NEDD4: variants seen among roughly 807,000 people sequenced by gnomAD.
NEDD4 encodes the protein E3 ubiquitin-protein ligase NEDD4.
In NEDD4, 99 loss-of-function variants were observed where a neutral mutation model predicts 144.9. That is an observed-to-expected ratio of 0.68 (90% CI 0.58 to 0.81). The LOEUF is 0.81. Ranked by LOEUF, NEDD4 falls within the 30% of genes least tolerant of loss-of-function variation. The pLI is 0.00. For synonymous variants in NEDD4, 318 were observed against 350.6 expected (o/e 0.91, Z 1.04); for missense variants, 985 against 1,065.9 (o/e 0.92, Z 1.06).
intron 1 of NEDD4, among the ~76,000 whole-genome samples, chr15:55,985,752 A>G (rs1012383217): frequency 2.4e-5 from 3 of 124,326 alleles, no homozygotes; most frequent in Non-Finnish European, 4.9e-5. Flanking sequence ...ATGTGTGTAG[A>G]GTACACATAC....
In NEDD4 at chr15:55,860,405, A is replaced by C; in HGVS notation, c.960+2T>G. On this transcript the variant is annotated splice_donor_variant, in intron 11 of 28. Transcript: ENST00000435532. LOFTEE classifies it high-confidence loss of function. Reference sequence around the variant, plus strand: ...CCGTAACAAAATCTAAGAGCATCTTACTGAGCTCGATGCTGGCTGGCTCAC... The same window carrying C: ...CCGTAACAAAATCTAAGAGCATCTTCCTGAGCTCGATGCTGGCTGGCTCAC... 1 of 1,613,988 alleles carries C rather than the reference A, an allele frequency of 6.2e-7. No homozygotes were observed. The highest frequency in any genetic ancestry group is 8.5e-7 in the Non-Finnish European group (1 of 1,179,886).
intron 18 of NEDD4, among the ~76,000 whole-genome samples, chr15:55,842,965 T>C (rs1174527372): frequency 1.3e-5 from 2 of 152,220 alleles, no homozygotes; most frequent in Admixed American, 1.3e-4. Context: ...ACAATCTCCA[T>C]GTGTCATGGG....
chr15:55,952,370 T>C (rs1181457514), intron 2 of NEDD4, among the ~76,000 whole-genome samples: 2 of 151,894 alleles, frequency 1.3e-5, no homozygotes, highest in Non-Finnish European at 2.9e-5. Context: ...TAACTAGGTG[T>C]TATGTAACCA....
Position 55,924,648 on chromosome 15 carries a change from A to G in NEDD4, c.289T>C (p.Leu97=). 6.2e-7 allele frequency: 1 copy of G among 1,608,302 alleles called. No homozygotes were observed. The highest frequency in any genetic ancestry group is 8.5e-7 in the Non-Finnish European group (1 of 1,177,064). The change falls in exon 5 of 29, where the codon TTG becomes CTG. Residue 97 remains leucine, a splice_region_variant and synonymous_variant. Coordinates refer to ENST00000435532, the MANE Select transcript of NEDD4 (RefSeq NM_006154.4). ...LLFEVFDENR[L]TRDDFLGQVD... ...CATATAAGCACAATATAACTTACCA[A>G]TCGGTTTTCGTCAAACACTTCAAAA...
At chr15:55,944,212 CA>C (rs2037065078) in intron 4 of NEDD4, among the ~76,000 whole-genome samples, 1 of 152,228 alleles carries the variant, frequency 6.6e-6, no homozygotes, top group South Asian at 2.1e-4. Context: ...TGCAAGGGGT[CA>C]GGGGATTTCC....
chr15:55,839,993 AAAAAAAATATATATATATATATAT>A (rs1330062377), intron 21 of NEDD4, among the ~76,000 whole-genome samples: 28 of 43,298 alleles, frequency 6.5e-4, no homozygotes, highest in Middle Eastern at 9.8e-3. Flanking sequence ...AAAAAAAAAA[AAAAAAAATATATATATATATATAT>A]ATATATATAT....
At chr15:55,916,458 C>G (rs1439331508) in intron 5 of NEDD4, 1 of 1,614,050 alleles carries the variant, frequency 6.2e-7, no homozygotes. Flanking sequence ...GACCACAGCA[C>G]TACTGTAAAT....
chr15:55,933,920 G>A (rs1285469235), intron 4 of NEDD4, among the ~76,000 whole-genome samples: 2 of 152,166 alleles, frequency 1.3e-5, no homozygotes, highest in African/African-American at 2.4e-5. Flanking sequence ...TTGGTAGGCC[G>A]AGGCAGGCAG....
chr15:55,970,896 A>G (rs1566973371), intron 1 of NEDD4, among the ~76,000 whole-genome samples: 1 of 152,216 alleles, frequency 6.6e-6, no homozygotes, highest in Non-Finnish European at 1.5e-5. Flanking sequence ...AACATCCACA[A>G]GCATCAACAT....
intron 4 of NEDD4, among the ~76,000 whole-genome samples, chr15:55,935,227 A>G (rs367914118): frequency 6.6e-6 from 1 of 152,178 alleles, no homozygotes; most frequent in Non-Finnish European, 1.5e-5. Context: ...CTATAACAAC[A>G]TATAAACCTG....
intron 8 of NEDD4, 36 bp from the exon 9 acceptor site, chr15:55,863,115 T>C (rs1408801880): frequency 6.7e-7 from 1 of 1,491,044 alleles, no homozygotes; most frequent in East Asian, 2.4e-5. Context: ...AGTTTACGCA[T>C]GATTTTTTTA....
chr15:55,984,599 G>A (rs1456295914), intron 1 of NEDD4, among the ~76,000 whole-genome samples: 1 of 152,158 alleles, frequency 6.6e-6, no homozygotes, highest in African/African-American at 2.4e-5. Context: ...GCCCCAACAT[G>A]TCTCGCATCA....
At chr15:55,852,667 A>G (rs1476981959) in intron 12 of NEDD4, 124 bp from the exon 13 acceptor site, 19 of 463,268 alleles carry the variant, frequency 4.1e-5, no homozygotes, top group South Asian at 8.1e-5. Flanking sequence ...CTGCTCTGTT[A>G]CTACAGTTTT....
chr15:55,993,263 G>A (rs969134587), intron 1 of NEDD4, among the ~76,000 whole-genome samples: 6 of 152,180 alleles, frequency 3.9e-5, no homozygotes, highest in Non-Finnish European at 7.4e-5. Flanking sequence ...GACAAGTAAG[G>A]CGGCGGCCGC....
Position 55,924,535 on chromosome 15 carries a change from T to C in NEDD4, c.291+111A>G, listed in dbSNP as rs182005156. On this transcript the variant is annotated intron_variant, in intron 5 of 28. Transcript: ENST00000435532. ...CTCACCATTTTGCCCAGAGTCTCCA[T>C]AACCACCCCCAAGCCATCACTCAAA... 5.7e-5 allele frequency: 52 copies of C among 911,404 alleles called. 1 individual carries two copies. The African/African-American group carries it at 7.5e-4, about 13-fold the overall frequency. The allele number at this position is 911,404 out of a possible 1,614,324, so 56.5% of individuals were successfully genotyped here.
At chr15:55,917,723 C>T (rs1488794804) in intron 5 of NEDD4, among the ~76,000 whole-genome samples, 2 of 151,960 alleles carry the variant, frequency 1.3e-5, no homozygotes, top group Non-Finnish European at 2.9e-5. Context: ...AATTTTAAGG[C>T]CTTTTCCAGC....
intron 5 of NEDD4, among the ~76,000 whole-genome samples, chr15:55,874,248 T>C (rs755689919): frequency 3.9e-5 from 6 of 152,082 alleles, no homozygotes; most frequent in Admixed American, 1.3e-4. Context: ...CTAAAAGAGC[T>C]ATTTGAAAGT....
chr15:55,938,790 T>C (rs183820086), intron 4 of NEDD4, among the ~76,000 whole-genome samples: 22 of 151,084 alleles, frequency 1.5e-4, no homozygotes, highest in Admixed American at 1.1e-3. Flanking sequence ...AAAACAAGCA[T>C]CAACAACAAC....
chr15:55,947,975 T>G (rs1339011549), intron 4 of NEDD4, among the ~76,000 whole-genome samples: 2 of 152,054 alleles, frequency 1.3e-5, no homozygotes, highest in Non-Finnish European at 2.9e-5. Context: ...GAAAAAGAAA[T>G]AAAGGGTATT....
Sources: allele counts gnomAD v4.1 joint callset (sites outside exome capture counted in the v4.1 genomes callset), GRCh38; gene constraint gnomAD v4.1.1; transcripts MANE v1.5; gene names NCBI Gene and HGNC (gene_info 2026-07-23, HGNC 2026-07-21).